The following WIZ variants were observed in gnomAD, a reference collection of about 807,000 sequenced individuals.
WIZ encodes WIZ zinc finger, also known as protein Wiz.
In WIZ, 25 loss-of-function variants were observed where a neutral mutation model predicts 140.2. That is an observed-to-expected ratio of 0.18 (90% confidence interval 0.13 to 0.25). The LOEUF (loss-of-function observed/expected upper bound fraction) is 0.25, where lower values mean the gene tolerates loss of function less well. WIZ is among the 10% of genes least tolerant of loss of function. The probability of loss-of-function intolerance (pLI) is 1.00; values close to 1 mark genes in which losing one functional copy is unlikely to be tolerated. For missense variants in WIZ, 2,231 were observed against 2,632.6 expected, an observed-to-expected ratio of 0.85 and a Z score of 3.34; for synonymous variants, 1,125 against 1,154.3, an observed-to-expected ratio of 0.97 and a Z score of 0.51.
chr19:15,437,453 A>G (rs1265950478), intron 4 of WIZ, among the ~76,000 whole-genome samples: 1 of 152,222 alleles, frequency 6.6e-6, no homozygotes, highest in African/African-American at 2.4e-5. Context: ...TCTTGAGCCC[A>G]GGAGTTTGAC....
chr19:15,425,206 G>A, intron 10 of WIZ, 35 bp downstream of exon 10: 1 of 1,553,640 alleles, frequency 6.4e-7, no homozygotes, highest in Non-Finnish European at 8.7e-7. Context: ...GGCCCTGGCG[G>A]TCGCCCTCCC....
In WIZ at chr19:15,426,628, A is replaced by T. The variant is rs567509245; in HGVS notation, c.4366+354T>A. Among the ~76,000 whole-genome samples, 178 of 152,340 alleles carry T rather than the reference A, an allele frequency of 1.2e-3. 3 individuals are homozygous for T. Among genetic ancestry groups the T allele is most frequent in the Non-Finnish European group, 2.2e-4 (15 of 68,022 alleles). On this transcript the variant is annotated intron_variant, in intron 9 of 12. Transcript: ENST00000673675. Reference sequence around the variant, plus strand: ...TCAGAAAGACACAGTTCAGACGTTCACTGCCAGTCCCTACGCTCCTGCTGT... The same window carrying T: ...TCAGAAAGACACAGTTCAGACGTTCTCTGCCAGTCCCTACGCTCCTGCTGT...
At position 15,428,006 on chromosome 19, in the gene WIZ, C is replaced by T. The variant is rs1968960265; in HGVS notation, c.3814+104G>A. 6.2e-6 allele frequency: 9 copies of T among 1,449,124 alleles called. No individual in the cohort carries two copies. The highest frequency in any genetic ancestry group is 2.6e-5 in the Admixed American group (1 of 38,534). 89.8% of individuals were successfully genotyped at this position (1,449,124 alleles called of 1,614,324 possible). ...GGCAGAACCGGCCCACTGCCAAGGG[C>T]CCCTGTCTACTCCCTGCCCCAGCAG... On this transcript the variant is annotated intron_variant, in intron 8 of 12. Coordinates refer to ENST00000673675, the MANE Select transcript of WIZ (RefSeq NM_001371589.1). This position sits in a 1 kb window ranked among gnomAD's most constrained non-coding sequence, Gnocchi z 6.4.
chr19:15,430,364 C>T (rs1178718847), intron 6 of WIZ, among the ~76,000 whole-genome samples: 12 of 152,224 alleles, frequency 7.9e-5, no homozygotes. Flanking sequence ...CAGTGGGACA[C>T]CTTTCACAAC....
chr19:15,426,643 G>T (rs1010107412), intron 9 of WIZ, among the ~76,000 whole-genome samples: 5 of 152,184 alleles, frequency 3.3e-5, no homozygotes, highest in Non-Finnish European at 7.3e-5. Context: ...CAGTCCCTAC[G>T]CTCCTGCTGT....
chr19:15,431,195 G>A lies in WIZ; in HGVS notation c.2741-13C>T, dbSNP rs1212816829. 8 of 1,507,588 alleles carry A rather than the reference G, an allele frequency of 5.3e-6. No homozygotes were observed. The highest frequency in any genetic ancestry group is 7.1e-6 in the Non-Finnish European group (8 of 1,129,100). The allele number at this position is 1,507,588 out of a possible 1,614,324, so 93.4% of individuals were successfully genotyped here. On this transcript the variant is annotated splice_polypyrimidine_tract_variant and intron_variant, in intron 5 of 12. Transcript: ENST00000673675. ...TCAGAACCCAGGCCTGTGGGTTGGG[G>A]AGACAGGCTCAGCCCAGACAAATTT...
intron 5 of WIZ, chr19:15,432,587 G>C (rs898625819): frequency 2.3e-6 from 1 of 430,254 alleles, no homozygotes; most frequent in Non-Finnish European, 3.1e-6. Flanking sequence ...CCCGGGCTCG[G>C]GGGGCTGGGC....
In WIZ at chr19:15,425,470, A is replaced by AGCCAGGGGCGACAGC. The variant is rs1968693285; in HGVS notation, c.4650_4664dup (p.Leu1551_Ala1555dup). 2.5e-6 allele frequency: 4 copies of AGCCAGGGGCGACAGC among 1,599,322 alleles called. No homozygotes were observed. Among genetic ancestry groups the AGCCAGGGGCGACAGC allele is most frequent in the Non-Finnish European group, 3.4e-6 (4 of 1,172,944 alleles). On this transcript the variant is annotated inframe_insertion, in exon 10 of 13. Transcript: ENST00000673675. ...CTGCACCTGGTTTGCCTGGCCGGCC[A>AGCCAGGGGCGACAGC]GCCAGGGGCGACAGCGGCAGTGGGG... is the stretch of plus-strand genomic sequence containing the variant.
At position 15,440,843 on chromosome 19, in the gene WIZ, G is replaced by T; in HGVS notation, c.279-128C>A. ...GATCCAGCCCGAGGGTGACAGGGGT[G>T]TGGGGGTGAGGGTGGGAGGTAGGGG... On this transcript the variant is annotated intron_variant, in intron 3 of 12. Transcript: ENST00000673675. This position sits in a 1 kb window ranked among gnomAD's most constrained non-coding sequence, Gnocchi z 6.2. The T allele has an allele frequency of 1.1e-6, 1 of 916,080 alleles. No homozygotes were observed. Among genetic ancestry groups the T allele is most frequent in the Non-Finnish European group, 1.6e-6 (1 of 629,178 alleles). 56.7% of individuals were successfully genotyped at this position (916,080 alleles called of 1,614,324 possible). A position where few individuals can be genotyped will look rare whatever the true frequency, so the allele number is the denominator to read the frequency against.
rs760854281 is a variant in WIZ, at chr19:15,427,632, C to G, written c.3815-99G>C. On this transcript the variant is annotated intron_variant, in intron 8 of 12. Transcript: ENST00000673675. This position sits in a 1 kb window ranked among gnomAD's most constrained non-coding sequence, Gnocchi z 6.4. ...CGGCTGGGCGTGGGCGGCAGCAGCA[C>G]GCCCACAGGTTAGGGTGGTGAGGGC... The G allele has an allele frequency of 1.0e-5, 14 of 1,348,256 alleles. No individual in the cohort carries two copies. Among genetic ancestry groups the G allele is most frequent in the African/African-American group, 2.9e-5 (2 of 68,414 alleles). The allele number at this position is 1,348,256 out of a possible 1,614,324, so 83.5% of individuals were successfully genotyped here.
intron 5 of WIZ, among the ~76,000 whole-genome samples, chr19:15,434,644 CA>C (rs979898145): frequency 2.3e-4 from 35 of 152,020 alleles, no homozygotes; most frequent in Admixed American, 9.8e-4. Flanking sequence ...CCAGCAGTCC[CA>C]GGGGCGATAC....
intron 1 of WIZ, among the ~76,000 whole-genome samples, chr19:15,448,737 A>C (rs1361561435): frequency 6.6e-6 from 1 of 151,926 alleles, no homozygotes; most frequent in Non-Finnish European, 1.5e-5. Flanking sequence ...CCTCACATCC[A>C]TGCACACGCA....
intron 5 of WIZ, among the ~76,000 whole-genome samples, chr19:15,435,572 C>T (rs375331701): frequency 1.1e-4 from 16 of 152,344 alleles, no homozygotes; most frequent in Admixed American, 7.8e-4. Flanking sequence ...CAGTGGCTTA[C>T]GCCTGTAATC....
Position 15,430,089 on chromosome 19 carries a change from G to C in WIZ, c.2912C>G (p.Ala971Gly). ...GSKQELQDLK[A>G]QSLTTCEVCG... Reference sequence around the variant, plus strand: ...GACCTCGCAGGTGGTCAGGCTCTGGGCTGAAGGGCAACACAGAGGCCGGGA... The same window carrying C: ...GACCTCGCAGGTGGTCAGGCTCTGGCCTGAAGGGCAACACAGAGGCCGGGA... The change falls in exon 7 of 13, where the codon GCC becomes GGC. Residue 971 changes from alanine to glycine, a missense_variant and splice_region_variant. Ala to Gly is a moderately conservative substitution (Grantham distance 60, BLOSUM62 0). Transcript: ENST00000673675. 2.0e-6 allele frequency: 3 copies of C among 1,522,302 alleles called. No individual in the cohort carries two copies. Among genetic ancestry groups the C allele is most frequent in the Non-Finnish European group, 2.6e-6 (3 of 1,137,962 alleles). The allele number at this position is 1,522,302 out of a possible 1,614,324, so 94.3% of individuals were successfully genotyped here. A position where few individuals can be genotyped will look rare whatever the true frequency, so the allele number is the denominator to read the frequency against.
intron 1 of WIZ, 182 bp downstream of exon 1, chr19:15,449,616 C>T (rs1330586712): frequency 6.6e-6 from 1 of 150,994 alleles, no homozygotes; most frequent in Non-Finnish European, 1.5e-5. Context: ...GACACCTGCC[C>T]CAAGACCCCC....
chr19:15,448,478 ACCTC>A (rs1969996864), intron 1 of WIZ, 111 bp from the exon 2 acceptor site: 7 of 793,490 alleles, frequency 8.8e-6, no homozygotes, highest in Non-Finnish European at 1.4e-5. Flanking sequence ...GCCTCAGTTT[ACCTC>A]CCAGCCCAGG....
rs1968783161 is a variant in WIZ, at chr19:15,425,877, AGGAGGAGG to A, written c.4367-117_4367-110del. On this transcript the variant is annotated intron_variant, in intron 9 of 12. Transcript: ENST00000673675. ...AGGAGGGAGGAGGAGGAGGAGGAGGAGGAGGAGGAGGAGGAGGAGGAGGAGGAGGAGGA... is the reference window on the plus strand; with the variant it reads ...AGGAGGGAGGAGGAGGAGGAGGAGGAAGGAGGAGGAGGAGGAGGAGGAGGA... 2 of 9,106 alleles carry A rather than the reference AGGAGGAGG, an allele frequency of 2.2e-4. 1 individual carries two copies. The highest frequency in any genetic ancestry group is 4.7e-4 in the Non-Finnish European group (2 of 4,218). The allele number at this position is 9,106 out of a possible 1,614,324, so 0.6% of individuals were successfully genotyped here.
Position 15,424,445 on chromosome 19 carries a change from A to T in WIZ, c.5315-67T>A. The T allele has an allele frequency of 1.3e-6, 2 of 1,564,682 alleles. No individual in the cohort carries two copies. The highest frequency in any genetic ancestry group is 1.7e-6 in the Non-Finnish European group (2 of 1,155,738). The stretch of plus-strand genomic sequence containing the variant: ...ATGCTGCAGAGACTTGGAATACACA[A>T]GAGCTGAGGACTGATGCTACCTGGA... On this transcript the variant is annotated intron_variant, in intron 11 of 12. Transcript: ENST00000673675. The surrounding 1 kb of genome is among the most constrained non-coding windows in gnomAD (Gnocchi z 9.7).
intron 5 of WIZ, chr19:15,432,459 G>C: frequency 6.1e-6 from 6 of 983,210 alleles, no homozygotes; most frequent in Non-Finnish European, 7.2e-6. Context: ...ACGCGGGCCC[G>C]GGCCCCGGCT....
Sources: gnomAD v4.1 joint callset for allele counts (sites outside exome capture counted in the v4.1 genomes callset) on GRCh38, gnomAD v4.1.1 for gene constraint, Gnocchi (gnomAD v3.1) non-coding constraint, MANE v1.5 for transcripts, NCBI Gene and HGNC (gene_info 2026-07-23, HGNC 2026-07-21) for gene names.